CAMK2G: variants seen among roughly 807,000 people sequenced by gnomAD.
CAMK2G encodes the protein calcium/calmodulin-dependent protein kinase type II subunit gamma.
A neutral mutation model predicts 88.7 loss-of-function variants in CAMK2G; 23 were observed. The ratio of observed to expected loss-of-function variants is 0.26; its 90% CI spans 0.19 to 0.37. The LOEUF (loss-of-function observed/expected upper bound fraction) is 0.37, where lower values mean the gene tolerates loss of function less well. Among genes scored for constraint, CAMK2G ranks in the 10% least tolerant of loss-of-function variants. CAMK2G has a pLI of 1.00. For synonymous variants in CAMK2G, 263 were observed against 294.8 expected (o/e 0.89, Z 1.11); for missense variants, 476 against 780.8 (o/e 0.61, Z 4.65).
At chr10:73,843,736 C>T (rs897870774) in intron 10 of CAMK2G, among the ~76,000 whole-genome samples, 6 of 152,052 alleles carry the variant, frequency 3.9e-5, no homozygotes, top group African/African-American at 1.4e-4. Context: ...CACCCTTGGC[C>T]CACTCTTTCC....
intron 15 of CAMK2G, among the ~76,000 whole-genome samples, chr10:73,826,177 A>C (rs2090875564): frequency 6.6e-6 from 1 of 152,230 alleles, no homozygotes; most frequent in Non-Finnish European, 1.5e-5. Context: ...TCACACCTGT[A>C]ATCTCAGCAC....
intron 15 of CAMK2G, among the ~76,000 whole-genome samples, chr10:73,826,142 C>A (rs2090857028): frequency 6.6e-6 from 1 of 152,162 alleles, no homozygotes; most frequent in African/African-American, 2.4e-5. Context: ...TTCAAAACTA[C>A]ATGGTGGTGG....
intron 15 of CAMK2G, among the ~76,000 whole-genome samples, chr10:73,826,720 G>A (rs1053971612): frequency 6.6e-6 from 1 of 152,148 alleles, no homozygotes; most frequent in African/African-American, 2.4e-5. Context: ...ATGATACATC[G>A]ACAGCTAGAA....
intron 2 of CAMK2G, among the ~76,000 whole-genome samples, chr10:73,868,937 GACACAGACA>G (rs771274522): frequency 2.6e-5 from 4 of 152,318 alleles, no homozygotes; most frequent in African/African-American, 4.8e-5. Context: ...CGCAGCCTCA[GACACAGACA>G]CCCCAATCCC....
intron 3 of CAMK2G, among the ~76,000 whole-genome samples, chr10:73,859,824 T>C (rs1037412372): frequency 1.3e-5 from 2 of 152,218 alleles, no homozygotes; most frequent in Non-Finnish European, 2.9e-5. Flanking sequence ...TCACTTTGAC[T>C]GTTCTAGCCC....
chr10:73,832,308 CCTTTT>C (rs2092575186), intron 14 of CAMK2G, among the ~76,000 whole-genome samples: 1 of 130,820 alleles, frequency 7.6e-6, no homozygotes, highest in South Asian at 2.7e-4. Flanking sequence ...TGTATGTACT[CCTTTT>C]TTTTTTTATT....
In CAMK2G at chr10:73,847,243, G is replaced by C. The variant is rs767580399; in HGVS notation, c.801C>G (p.Leu267=). 1.3e-5 allele frequency: 21 copies of C among 1,614,214 alleles called. No homozygotes were observed. The highest frequency in any genetic ancestry group is 1.6e-5 in the Non-Finnish European group (19 of 1,180,018). ...CACTTACACAGACCCACGGGTGCTTGAGAGCCTGGTCAGCCGTGATGCGCT... is the reference window on the plus strand; with the variant it reads ...CACTTACACAGACCCACGGGTGCTTCAGAGCCTGGTCAGCCGTGATGCGCT... ...PAKRITADQA[L]KHPWVCQRST... Residue 267 remains leucine (L), a synonymous_variant, in exon 10 of 23, where the codon CTC becomes CTG. Transcript: ENST00000423381.
At chr10:73,838,938 C>T (rs993277089) in intron 13 of CAMK2G, among the ~76,000 whole-genome samples, 6 of 152,310 alleles carry the variant, frequency 3.9e-5, no homozygotes, top group African/African-American at 7.2e-5. Context: ...TGAGAGCCTT[C>T]GACAGGGTGA....
intron 19 of CAMK2G, chr10:73,818,645 C>T (rs1340768235): frequency 2.2e-6 from 1 of 453,078 alleles, no homozygotes; most frequent in Admixed American, 2.4e-5. Context: ...GCCCCACAGC[C>T]GTCAGCCCCG....
chr10:73,852,698 T>C (rs983110015), intron 4 of CAMK2G: 17 of 267,192 alleles, frequency 6.4e-5, no homozygotes, highest in African/African-American at 3.8e-4. Flanking sequence ...AGTTGAAGAG[T>C]AATGAGACCA....
intron 3 of CAMK2G, 57 bp from the exon 4 acceptor site, chr10:73,853,303 G>T: frequency 6.6e-7 from 1 of 1,508,518 alleles, no homozygotes; most frequent in Non-Finnish European, 9.2e-7. Flanking sequence ...GAAATCCTAG[G>T]CTTCTCCTCA....
intron 2 of CAMK2G, among the ~76,000 whole-genome samples, chr10:73,862,169 C>T (rs561999590): frequency 6.6e-6 from 1 of 152,066 alleles, no homozygotes; most frequent in Non-Finnish European, 1.5e-5. Flanking sequence ...ACTCACAGCA[C>T]GGAGGCCTCA....
chr10:73,852,381 C>T, intron 4 of CAMK2G, 62 bp from the exon 5 acceptor site: 1 of 1,370,066 alleles, frequency 7.3e-7, no homozygotes, highest in South Asian at 1.2e-5. Context: ...ACCCCAATGT[C>T]CAAGAAGAAA....
chr10:73,871,902 G>A (rs1565549957), intron 2 of CAMK2G, among the ~76,000 whole-genome samples: 1 of 152,120 alleles, frequency 6.6e-6, no homozygotes, highest in Non-Finnish European at 1.5e-5. Flanking sequence ...GCTTCTCTAA[G>A]CATTTGGGAC....
At chr10:73,854,755 C>T (rs1054080604) in intron 3 of CAMK2G, among the ~76,000 whole-genome samples, 2 of 152,148 alleles carry the variant, frequency 1.3e-5, no homozygotes, top group African/African-American at 2.4e-5. Flanking sequence ...ACAACCCAGC[C>T]GGCACAGTCC....
chr10:73,847,454 C>T, intron 9 of CAMK2G, 107 bp from the exon 10 acceptor site: 2 of 1,236,900 alleles, frequency 1.6e-6, no homozygotes, highest in South Asian at 2.8e-5. Context: ...CTCTGTGGTA[C>T]CTAAAGCTGT....
chr10:73,820,582 C>T (rs1361378171), intron 18 of CAMK2G, among the ~76,000 whole-genome samples: 1 of 144,796 alleles, frequency 6.9e-6, no homozygotes, highest in Non-Finnish European at 1.5e-5. Flanking sequence ...CTGCAACCTC[C>T]ACCTCCCGGG....
At position 73,835,182 on chromosome 10, in the gene CAMK2G, CCT is replaced by C. The variant is rs2093044642; in HGVS notation, c.1053+2284_1053+2285del. 3.9e-5 allele frequency among the ~76,000 whole-genome samples: 6 copies of C among 152,350 alleles called. No homozygotes were observed. In the South Asian group the frequency reaches 1.2e-3, roughly 32 times the overall value. The stretch of plus-strand genomic sequence containing the variant: ...CCAGCACCTGCCAGGTGCACACCTC[CCT>C]GAGACCTTAGCAGACTCCATAGAAA... On this transcript the variant is annotated intron_variant, in intron 14 of 22. Coordinates refer to ENST00000423381, the MANE Select transcript of CAMK2G (RefSeq NM_001367534.1).
intron 10 of CAMK2G, among the ~76,000 whole-genome samples, chr10:73,843,909 C>G (rs1296366037): frequency 2.6e-5 from 4 of 152,214 alleles, no homozygotes. Context: ...TGCCTCCACA[C>G]TAATAGAAGT....
Sources: allele counts gnomAD v4.1 joint callset (sites outside exome capture counted in the v4.1 genomes callset), GRCh38; gene constraint gnomAD v4.1.1; transcripts MANE v1.5; gene names NCBI Gene and HGNC (gene_info 2026-07-23, HGNC 2026-07-21).